CTNNA3: variants seen among roughly 807,000 people sequenced by gnomAD.
CTNNA3 encodes catenin alpha-3.
Under a neutral mutation model 95.7 loss-of-function variants are expected in CTNNA3, and 76 were observed. The ratio of observed to expected loss-of-function variants is 0.79; its 90% CI spans 0.66 to 0.96. CTNNA3 has a LOEUF of 0.96. Ranked by LOEUF, CTNNA3 falls within the 40% of genes least tolerant of loss-of-function variation. The pLI is 0.00. For missense variants in CTNNA3, 1,191 were observed against 1,089.8 expected (o/e 1.09, Z -1.31); for synonymous variants, 431 against 374.4 (o/e 1.15, Z -1.74).
At chr10:67,630,833 T>G (rs984468388) in intron 2 of CTNNA3, among the ~76,000 whole-genome samples, 1 of 152,188 alleles carries the variant, frequency 6.6e-6, no homozygotes, top group African/African-American at 2.4e-5. Context: ...GATAACACAT[T>G]ATAAAGAGTT....
chr10:66,798,096 A>G (rs893454113), intron 7 of CTNNA3, among the ~76,000 whole-genome samples: 2 of 151,864 alleles, frequency 1.3e-5, no homozygotes, highest in African/African-American at 4.8e-5. Flanking sequence ...ACAGGTTGGA[A>G]CTTTAAAAAA....
chr10:67,197,833 T>C (rs1863448641), intron 6 of CTNNA3, among the ~76,000 whole-genome samples: 1 of 152,138 alleles, frequency 6.6e-6, no homozygotes, highest in South Asian at 2.1e-4. Flanking sequence ...ATTGCTGTAG[T>C]CACTGTGTTT....
intron 17 of CTNNA3, among the ~76,000 whole-genome samples, chr10:65,949,110 T>A (rs1438474172): frequency 6.6e-6 from 1 of 152,218 alleles, no homozygotes; most frequent in African/African-American, 2.4e-5. Flanking sequence ...TATTTTTTGC[T>A]TGTCTTTTCT....
At chr10:66,514,438 A>C (rs1840769099) in intron 11 of CTNNA3, among the ~76,000 whole-genome samples, 1 of 152,206 alleles carries the variant, frequency 6.6e-6, no homozygotes, top group South Asian at 2.1e-4. Context: ...ATCTTCAACT[A>C]TCCTTCAATA....
At chr10:66,564,905 C>G (rs1332827236) in intron 10 of CTNNA3, among the ~76,000 whole-genome samples, 1 of 152,108 alleles carries the variant, frequency 6.6e-6, no homozygotes. Context: ...GGCACTTGCT[C>G]AAGTCATAAA....
intron 10 of CTNNA3, among the ~76,000 whole-genome samples, chr10:66,619,788 T>A (rs1190245149): frequency 6.6e-6 from 1 of 151,840 alleles, no homozygotes; most frequent in African/African-American, 2.4e-5. Flanking sequence ...AAAACACTGG[T>A]GAATTACCAA....
At chr10:66,801,968 T>A (rs147173978) in intron 7 of CTNNA3, among the ~76,000 whole-genome samples, 1 of 151,876 alleles carries the variant, frequency 6.6e-6, no homozygotes, top group Admixed American at 6.6e-5. Context: ...AATAAATATT[T>A]ACAAAGCCTT....
intron 7 of CTNNA3, among the ~76,000 whole-genome samples, chr10:66,925,495 G>A (rs1382535318): frequency 6.6e-6 from 1 of 151,998 alleles, no homozygotes; most frequent in African/African-American, 2.4e-5. Flanking sequence ...CAATTATATC[G>A]TCTGTGAGAA....
chr10:66,472,420 T>C (rs1234590933), intron 11 of CTNNA3, among the ~76,000 whole-genome samples: 2 of 151,984 alleles, frequency 1.3e-5, no homozygotes, highest in Non-Finnish European at 2.9e-5. Flanking sequence ...GAATCTGCTG[T>C]ACTAGTAGAT....
At chr10:67,453,742 T>A (rs1297385705) in intron 5 of CTNNA3, among the ~76,000 whole-genome samples, 2 of 152,202 alleles carry the variant, frequency 1.3e-5, no homozygotes, top group African/African-American at 4.8e-5. Context: ...ATTCCCAGGC[T>A]TTGTTGTGAA....
intron 1 of CTNNA3, among the ~76,000 whole-genome samples, chr10:67,717,309 C>G (rs190266254): frequency 1.1e-4 from 17 of 152,276 alleles, no homozygotes; most frequent in Middle Eastern, 3.4e-3. Flanking sequence ...TGTGCAGAAG[C>G]TCTTTGGTTT....
At chr10:66,277,753 T>C (rs960138396) in intron 13 of CTNNA3, among the ~76,000 whole-genome samples, 2 of 152,100 alleles carry the variant, frequency 1.3e-5, no homozygotes, top group Non-Finnish European at 1.5e-5. Flanking sequence ...TATTCCTCCC[T>C]GGTTTCAAGT....
chr10:67,172,551 TAC>T (rs975267165), intron 7 of CTNNA3, among the ~76,000 whole-genome samples: 5 of 152,038 alleles, frequency 3.3e-5, no homozygotes, highest in African/African-American at 1.2e-4. Context: ...TACATATATA[TAC>T]ACACACACAC....
intron 5 of CTNNA3, among the ~76,000 whole-genome samples, chr10:67,255,289 C>T (rs1866295852): frequency 6.6e-6 from 1 of 151,488 alleles, no homozygotes; most frequent in South Asian, 2.1e-4. Context: ...GAGCAAAACT[C>T]CATCTCAAAA....
chr10:66,845,733 AAAAGGTGAG>A, intron 7 of CTNNA3, among the ~76,000 whole-genome samples: 1 of 121,678 alleles, frequency 8.2e-6, no homozygotes, highest in Non-Finnish European at 1.7e-5. Flanking sequence ...AAAAAAACTA[AAAAGGTGAG>A]ATATATATAC....
chr10:65,945,676 G>A (rs143389138), intron 17 of CTNNA3, among the ~76,000 whole-genome samples: 99 of 152,316 alleles, frequency 6.5e-4, no homozygotes, highest in African/African-American at 2.3e-3. Context: ...ACTGGGGAAT[G>A]AGGAGAAAAG....
At chr10:66,685,317 GTATGTGTGTATA>G (rs1295959069) in intron 9 of CTNNA3, among the ~76,000 whole-genome samples, 2,624 of 44,412 alleles carry the variant, frequency 0.059, 291 homozygotes, top group African/African-American at 0.095. Context: ...ATGTGTGTGT[GTATGTGTGTATA>G]TATATATATA....
intron 14 of CTNNA3, among the ~76,000 whole-genome samples, chr10:66,093,935 G>A (rs1276588101): frequency 6.6e-6 from 1 of 152,032 alleles, no homozygotes; most frequent in African/African-American, 2.4e-5. Flanking sequence ...CCTACGTTCT[G>A]CAAATGTAGT....
chr10:66,717,378 T>C (rs1848486196), intron 9 of CTNNA3, among the ~76,000 whole-genome samples: 1 of 152,160 alleles, frequency 6.6e-6, no homozygotes, highest in South Asian at 2.1e-4. Flanking sequence ...GATAGCACGT[T>C]GGACAAACCA....
Sources: gnomAD v4.1 joint callset for allele counts (sites outside exome capture counted in the v4.1 genomes callset) on GRCh38, gnomAD v4.1.1 for gene constraint, MANE v1.5 for transcripts, NCBI Gene and HGNC (gene_info 2026-07-23, HGNC 2026-07-21) for gene names.